The following HMCN1 variants were observed in gnomAD, a reference collection of about 807,000 sequenced individuals.
The protein encoded by HMCN1 is hemicentin 1.
HMCN1 carries 321 observed loss-of-function variants against 625.9 expected under a neutral mutation model. The ratio of observed to expected loss-of-function variants is 0.51; its 90% confidence interval spans 0.47 to 0.56. The LOEUF is 0.56. HMCN1 is among the 20% of genes least tolerant of loss of function. HMCN1 has a pLI of 0.00. For missense variants in HMCN1, 6,588 were observed against 6,887.3 expected (o/e 0.96, Z 1.54); for synonymous variants, 2,425 against 2,417.6 (o/e 1.00, Z -0.09).
At chr1:185,751,731 A>T (rs1024213162) in intron 1 of HMCN1, among the ~76,000 whole-genome samples, 6 of 151,994 alleles carry the variant, frequency 3.9e-5, no homozygotes, top group Admixed American at 3.9e-4. Context: ...AATCTTTCAT[A>T]CGTTTCTCTT....
chr1:185,981,070 C>T lies in HMCN1; in HGVS notation c.2659C>T (p.Leu887Phe), dbSNP rs372337027. ...AGAGACAACAGTAACAGTGACCGGACTTGGTAAGATCAATTGAATGTCTAC... is the reference window on the plus strand; with the variant it reads ...AGAGACAACAGTAACAGTGACCGGATTTGGTAAGATCAATTGAATGTCTAC... ...QSETTVTVTGLVAPLIGISPS... is the reference protein window; with the variant it reads ...QSETTVTVTGFVAPLIGISPS... The change falls in exon 17 of 107, where the codon CTT (leucine) becomes TTT (phenylalanine). Residue 887 changes from leucine (L) to phenylalanine (F), a missense_variant. Leu to Phe is a conservative substitution (Grantham distance 22). Around this residue, in one of 3 missense-constraint regions of HMCN1, gnomAD observed 4,628 missense variants for 4,853.1 expected, o/e 0.95. Transcript: ENST00000271588. The T allele has an allele frequency of 6.3e-7, 1 of 1,582,796 alleles. No homozygotes were observed. Among genetic ancestry groups the T allele is most frequent in the African/African-American group, 1.3e-5 (1 of 74,242 alleles).
intron 4 of HMCN1, among the ~76,000 whole-genome samples, chr1:185,880,799 T>C (rs977984756): frequency 2.6e-5 from 4 of 152,218 alleles, no homozygotes; most frequent in African/African-American, 7.2e-5. Context: ...AAATCTCAGC[T>C]CTACTGCTAT....
At chr1:185,891,324 A>G (rs1419208899) in intron 4 of HMCN1, among the ~76,000 whole-genome samples, 2 of 144,118 alleles carry the variant, frequency 1.4e-5, no homozygotes, top group East Asian at 3.9e-4. Context: ...TAAAGTTAAT[A>G]TTGTTATGTG....
chr1:185,916,306 G>T (rs1259772161), intron 6 of HMCN1, among the ~76,000 whole-genome samples: 1 of 151,970 alleles, frequency 6.6e-6, no homozygotes, highest in Non-Finnish European at 1.5e-5. Context: ...TTTGAAAAGA[G>T]GTCGACATCT....
Position 186,120,109 on chromosome 1 carries a change from G to C in HMCN1, c.12193G>C (p.Gly4065Arg). 1 of 1,613,842 alleles carries C rather than the reference G, an allele frequency of 6.2e-7. No individual in the cohort carries two copies. The highest frequency in any genetic ancestry group is 2.2e-5 in the East Asian group (1 of 44,868). ...CATGTGTGTGGCCCAGAACCCGGCTGGTACAGCCTTGGGCAAAATCAAGTT... is the reference window on the plus strand; with the variant it reads ...CATGTGTGTGGCCCAGAACCCGGCTCGTACAGCCTTGGGCAAAATCAAGTT... ...TYMCVAQNPAGTALGKIKLNV... is the reference protein window; with the variant it reads ...TYMCVAQNPARTALGKIKLNV... The change falls in exon 80 of 107, where the codon GGT (glycine) becomes CGT (arginine). Residue 4065 changes from glycine to arginine, a missense_variant. By Grantham distance (125) the Gly-to-Arg change is moderately radical. Around this residue, in one of 3 missense-constraint regions of HMCN1, gnomAD observed 1,954 missense variants for 2,013.1 expected, o/e 0.97. Transcript: ENST00000271588.
At chr1:186,183,730 G>A (rs1653095274) in intron 105 of HMCN1, among the ~76,000 whole-genome samples, 1 of 152,110 alleles carries the variant, frequency 6.6e-6, no homozygotes, top group South Asian at 2.1e-4. Flanking sequence ...CAAGAGCAGA[G>A]GTAGGACTTG....
intron 1 of HMCN1, among the ~76,000 whole-genome samples, chr1:185,825,263 T>C (rs1660445093): frequency 6.6e-6 from 1 of 152,144 alleles, no homozygotes; most frequent in Non-Finnish European, 1.5e-5. Flanking sequence ...CCACTAATAA[T>C]GTAGAAGTAG....
At chr1:186,083,463 A>C (rs192373185) in intron 57 of HMCN1, among the ~76,000 whole-genome samples, 1 of 150,680 alleles carries the variant, frequency 6.6e-6, no homozygotes, top group Non-Finnish European at 1.5e-5. Flanking sequence ...AACTCTTTTA[A>C]ATACATGCTA....
chr1:185,832,244 C>T (rs763626990), intron 1 of HMCN1, among the ~76,000 whole-genome samples: 1 of 151,222 alleles, frequency 6.6e-6, no homozygotes, highest in Non-Finnish European at 1.5e-5. Context: ...TGCAGTAAGC[C>T]GAGATCACAC....
intron 1 of HMCN1, among the ~76,000 whole-genome samples, chr1:185,800,422 A>G (rs1159966909): frequency 6.6e-6 from 1 of 151,964 alleles, no homozygotes; most frequent in African/African-American, 2.4e-5. Flanking sequence ...TGATCACCTT[A>G]TTTTAACTAT....
At chr1:185,884,721 G>A (rs1296692158) in intron 4 of HMCN1, among the ~76,000 whole-genome samples, 2 of 152,032 alleles carry the variant, frequency 1.3e-5, no homozygotes, top group African/African-American at 4.8e-5. Context: ...GTTTGGGAAA[G>A]GTGATCACAC....
At chr1:185,743,184 C>G (rs1654103905) in intron 1 of HMCN1, among the ~76,000 whole-genome samples, 2 of 152,184 alleles carry the variant, frequency 1.3e-5, no homozygotes, top group Admixed American at 1.3e-4. Flanking sequence ...ACACAATAGA[C>G]ACTCAAGAAA....
intron 2 of HMCN1, among the ~76,000 whole-genome samples, chr1:185,861,996 T>G (rs1337563235): frequency 6.6e-6 from 1 of 152,128 alleles, no homozygotes; most frequent in Non-Finnish European, 1.5e-5. Flanking sequence ...TTGAGAAGTG[T>G]TTAATGGTAG....
At chr1:185,954,362 A>G (rs1649467694) in intron 11 of HMCN1, among the ~76,000 whole-genome samples, 1 of 152,220 alleles carries the variant, frequency 6.6e-6, no homozygotes, top group Admixed American at 6.5e-5. Context: ...GAACTCAAGT[A>G]AGAAAAAAAC....
intron 101 of HMCN1, 128 bp downstream of exon 101, chr1:186,171,578 C>T: frequency 1.3e-6 from 1 of 753,628 alleles, no homozygotes; most frequent in South Asian, 1.6e-5. Context: ...AGCATGTATG[C>T]AATCCATGCA....
chr1:185,851,447 T>G (rs1662155827), intron 2 of HMCN1, among the ~76,000 whole-genome samples: 1 of 152,054 alleles, frequency 6.6e-6, no homozygotes, highest in African/African-American at 2.4e-5. Context: ...AGGAAAAAAT[T>G]AGCAAAAAAT....
chr1:185,836,664 G>A (rs758809924), intron 1 of HMCN1, among the ~76,000 whole-genome samples: 5 of 152,036 alleles, frequency 3.3e-5, no homozygotes, highest in Admixed American at 6.6e-5. Context: ...TAGGTTCAGG[G>A]GTACATGTGC....
At chr1:186,049,986 C>G (rs1656840224) in intron 42 of HMCN1, among the ~76,000 whole-genome samples, 1 of 151,432 alleles carries the variant, frequency 6.6e-6, no homozygotes, top group South Asian at 2.1e-4. Flanking sequence ...ACTTCTGTTC[C>G]TGCCTCTTTT....
intron 11 of HMCN1, among the ~76,000 whole-genome samples, chr1:185,957,748 ATGTC>A (rs1284223485): frequency 2.6e-5 from 4 of 152,202 alleles, no homozygotes; most frequent in African/African-American, 9.6e-5. Flanking sequence ...GAAAGGGTGG[ATGTC>A]TGTCATTAAT....
Sources: allele counts gnomAD v4.1 joint callset (sites outside exome capture counted in the v4.1 genomes callset), GRCh38; gene constraint gnomAD v4.1.1; regional missense constraint gnomAD v4.1.1; transcripts MANE v1.5; gene names NCBI Gene and HGNC (gene_info 2026-07-23, HGNC 2026-07-21).